The following C7 variants were observed in gnomAD, a reference collection of about 807,000 sequenced individuals.
C7 encodes complement C7, also known as complement component C7.
A neutral mutation model predicts 104.8 loss-of-function variants in C7; 83 were observed. The observed-to-expected ratio is 0.79, with a 90% CI of 0.66 to 0.95. The LOEUF is 0.95. Among genes scored for constraint, C7 ranks in the 40% least tolerant of loss-of-function variants. The probability of loss-of-function intolerance (pLI) is 0.00; values close to 1 mark genes in which losing one functional copy is unlikely to be tolerated. For synonymous variants in C7, 415 were observed against 360.6 expected, an observed-to-expected ratio of 1.15 and a Z score of -1.71; for missense variants, 1,070 against 1,011.2, an observed-to-expected ratio of 1.06 and a Z score of -0.79.
chr5:40,936,498 G>A lies in C7; in HGVS notation c.428+13G>A. 6.8e-6 allele frequency: 11 copies of A among 1,610,814 alleles called. No homozygotes were observed. Among genetic ancestry groups the A allele is most frequent in the Non-Finnish European group, 8.5e-6 (10 of 1,178,234 alleles). Reference sequence around the variant, plus strand: ...TTACTGGAAATGGGTAAGGTGCTGGGCAGCCTCCTGAGTACATCAGTGAAT... The same window carrying A: ...TTACTGGAAATGGGTAAGGTGCTGGACAGCCTCCTGAGTACATCAGTGAAT... On this transcript the variant is annotated intron_variant, in intron 5 of 17. Coordinates refer to ENST00000313164, the MANE Select transcript of C7 (RefSeq NM_000587.4).
intron 13 of C7, among the ~76,000 whole-genome samples, chr5:40,963,602 A>G (rs1012994359): frequency 6.6e-6 from 1 of 152,146 alleles, no homozygotes; most frequent in African/African-American, 2.4e-5. Flanking sequence ...CCTAGAGCAG[A>G]GCTGGTCAAG....
chr5:40,928,683 GT>G, intron 2 of C7, 48 bp downstream of exon 2: 1 of 1,224,160 alleles, frequency 8.2e-7, no homozygotes, highest in South Asian at 1.4e-5. Flanking sequence ...TTTAAAAAAT[GT>G]TTTAGTAATT....
intron 1 of C7, among the ~76,000 whole-genome samples, chr5:40,928,300 T>C (rs181598412): frequency 6.6e-6 from 1 of 152,304 alleles, no homozygotes; most frequent in Admixed American, 6.5e-5. Context: ...AGCAGAAATA[T>C]ATTTTGAATT....
At chr5:40,975,655 C>A (rs71623871) in intron 15 of C7, among the ~76,000 whole-genome samples, 37,297 of 151,972 alleles carry the variant, frequency 0.25, 4,680 homozygotes, top group South Asian at 0.4. Context: ...TGAGCCACCG[C>A]GCCCAGCCAA....
chr5:40,930,182 A>G (rs1205630781), intron 2 of C7, among the ~76,000 whole-genome samples: 2 of 149,520 alleles, frequency 1.3e-5, no homozygotes, highest in Non-Finnish European at 3.0e-5. Context: ...CCTTCCTTCT[A>G]TCAATAGTCA....
intron 9 of C7, chr5:40,955,035 C>G: frequency 4.2e-6 from 1 of 236,936 alleles, no homozygotes; most frequent in Non-Finnish European, 8.2e-6. Flanking sequence ...GCCTTCCCCA[C>G]TATCAACATC....
intron 6 of C7, among the ~76,000 whole-genome samples, chr5:40,941,266 G>A (rs1327547241): frequency 1.3e-5 from 2 of 151,968 alleles, no homozygotes; most frequent in African/African-American, 4.8e-5. Context: ...GTTTCGCCAT[G>A]TCGGTCAGGC....
At chr5:40,914,962 T>G (rs1040274277) in intron 1 of C7, among the ~76,000 whole-genome samples, 4 of 152,182 alleles carry the variant, frequency 2.6e-5, no homozygotes, top group East Asian at 1.9e-4. Context: ...GGAACCAGAT[T>G]TGGACTGTCA....
intron 6 of C7, among the ~76,000 whole-genome samples, chr5:40,939,152 C>T (rs115408234): frequency 6.6e-6 from 1 of 152,150 alleles, no homozygotes; most frequent in South Asian, 2.1e-4. Flanking sequence ...CCAAATTAAC[C>T]TTCTCCAGAA....
chr5:40,947,540 C>T, intron 7 of C7, 62 bp from the exon 8 acceptor site: 5 of 1,571,848 alleles, frequency 3.2e-6, no homozygotes, highest in Non-Finnish European at 4.4e-6. Flanking sequence ...GAACAGAGAA[C>T]TATTTCCATT....
intron 6 of C7, among the ~76,000 whole-genome samples, chr5:40,942,937 G>T (rs1465693024): frequency 1.3e-5 from 2 of 151,996 alleles, no homozygotes; most frequent in Non-Finnish European, 2.9e-5. Flanking sequence ...GCTAATTTTT[G>T]TATTTTTAGT....
In C7 at chr5:40,936,428, G is replaced by C. The variant is rs774214224; in HGVS notation, c.371G>C (p.Arg124Thr). ...ADEDRCEDSE[R>T]RPSCDIDKPP... ...GAAGACAGATGTGAGGACTCAGAAA[G>C]GAGACCTTCCTGTGATATCGATAAA... The change falls in exon 5 of 18, where the codon AGG (arginine) becomes ACG (threonine). Residue 124 changes from arginine (R) to threonine (T), a missense_variant. Coordinates refer to ENST00000313164, the MANE Select transcript of C7 (RefSeq NM_000587.4). 1 of 1,613,254 alleles carries C rather than the reference G, an allele frequency of 6.2e-7. No homozygotes were observed. Among genetic ancestry groups the C allele is most frequent in the South Asian group, 1.1e-5 (1 of 91,010 alleles).
rs758676241 is a variant in C7 at position 40,947,613 on chromosome 5, G to A, written c.750G>A (p.Leu250=). ...NEIHKGKSYQ[L]LVVENTVEVA... The stretch of plus-strand genomic sequence containing the variant: ...TCTTCTTTCCACAGAGTTACCAACT[G>A]CTGGTTGTTGAGAACACTGTTGAAG... The change falls in exon 8 of 18, where the codon CTG becomes CTA. Residue 250 remains leucine, a synonymous_variant. Coordinates refer to ENST00000313164, the MANE Select transcript of C7 (RefSeq NM_000587.4). The A allele has an allele frequency of 5.6e-6, 9 of 1,612,994 alleles. No homozygotes were observed. The highest frequency in any genetic ancestry group is 6.8e-6 in the Non-Finnish European group (8 of 1,179,564).
intron 6 of C7, among the ~76,000 whole-genome samples, chr5:40,944,224 A>G (rs1311064456): frequency 1.3e-5 from 2 of 152,252 alleles, no homozygotes; most frequent in African/African-American, 2.4e-5. Flanking sequence ...GAATATTTAT[A>G]TAGAACAAAC....
chr5:40,917,151 A>G (rs1025821767), intron 1 of C7, among the ~76,000 whole-genome samples: 8 of 151,766 alleles, frequency 5.3e-5, no homozygotes, highest in Admixed American at 5.3e-4. Context: ...AAAAAAAAGA[A>G]AAAGAATATA....
rs116957295 is a variant in C7, at chr5:40,921,689, C to T, written c.7-6891C>T. Among the ~76,000 whole-genome samples, 191 of 151,920 alleles carry T rather than the reference C, an allele frequency of 1.3e-3. 3 individuals carry two copies. In the East Asian group the frequency reaches 0.03, roughly 24 times the overall value. ...ATAGATGGCTGAACAGGATAGAGAACCAAGAAATAAATTCACGTATTTACA... is the reference window on the plus strand; with the variant it reads ...ATAGATGGCTGAACAGGATAGAGAATCAAGAAATAAATTCACGTATTTACA... On this transcript the variant is annotated intron_variant, in intron 1 of 17. Transcript: ENST00000313164.
intron 15 of C7, among the ~76,000 whole-genome samples, chr5:40,973,511 C>T (rs1282657915): frequency 6.6e-6 from 1 of 152,304 alleles, no homozygotes; most frequent in East Asian, 1.9e-4. Flanking sequence ...GGGTATGGAG[C>T]ACTCAGATAC....
At chr5:40,969,401 C>T (rs1740640499) in intron 14 of C7, among the ~76,000 whole-genome samples, 1 of 150,334 alleles carries the variant, frequency 6.7e-6, no homozygotes, top group Non-Finnish European at 1.5e-5. Flanking sequence ...AAGTCTGTTT[C>T]TATTGTTTTT....
chr5:40,978,893 T>TTTTTTTTTTTTTTTTTTTTTTTTTTTTC, intron 16 of C7, among the ~76,000 whole-genome samples: 1 of 146,854 alleles, frequency 6.8e-6, no homozygotes, highest in African/African-American at 2.5e-5. Context: ...TTTTTTTTTT[T>TTTTTTTTTTTTTTTTTTTTTTTTTTTTC]TTTTGGGACA....
Sources: allele counts gnomAD v4.1 joint callset (sites outside exome capture counted in the v4.1 genomes callset), GRCh38; gene constraint gnomAD v4.1.1; transcripts MANE v1.5; gene names NCBI Gene and HGNC (gene_info 2026-07-23, HGNC 2026-07-21).